LYPLA2: variants seen among roughly 807,000 people sequenced by gnomAD.
LYPLA2 encodes the protein lysophospholipase 2.
A neutral mutation model predicts 30.3 loss-of-function variants in LYPLA2; 7 were observed. The ratio of observed to expected loss-of-function variants is 0.23; its 90% CI spans 0.13 to 0.43. LYPLA2 has a LOEUF of 0.43. Among genes scored for constraint, LYPLA2 ranks in the 20% least tolerant of loss-of-function variants. The pLI, the probability that LYPLA2 is intolerant of heterozygous loss-of-function variation, is 1.00. For synonymous variants in LYPLA2, 112 were observed against 118.2 expected (o/e 0.95, Z 0.34); for missense variants, 206 against 307.9 (o/e 0.67, Z 2.48).
In LYPLA2 at chr1:23,793,960, C is replaced by G. The variant is rs778804519; in HGVS notation, c.295+30C>G. ...GACCCCAGCCCCTCCTCCACATCCT[C>G]CTTCCCCTGCCCCCCAGGAAAGCGC... On this transcript the variant is annotated intron_variant, in intron 6 of 9. Transcript: ENST00000374514. The surrounding 1 kb of genome is among the most constrained non-coding windows in gnomAD (Gnocchi z 6.0). 1 of 1,603,066 alleles carries G rather than the reference C, an allele frequency of 6.2e-7. No individual in the cohort carries two copies. The highest frequency in any genetic ancestry group is 1.1e-5 in the South Asian group (1 of 90,850).
Position 23,793,321 on chromosome 1 carries a change from G to T in LYPLA2, c.176+105G>T. On this transcript the variant is annotated intron_variant, in intron 4 of 9. Transcript: ENST00000374514. This position sits in a 1 kb window ranked among gnomAD's most constrained non-coding sequence, Gnocchi z 6.0. Reference sequence around the variant, plus strand: ...CCTGTCAGTTGCATCCTGGGGCTTGGGCTCAGGGCAGTCAGAAGTGGCATT... The same window carrying T: ...CCTGTCAGTTGCATCCTGGGGCTTGTGCTCAGGGCAGTCAGAAGTGGCATT... The T allele has an allele frequency of 1.6e-6, 2 of 1,228,530 alleles. No individual in the cohort carries two copies. The highest frequency in any genetic ancestry group is 2.6e-4 in the Middle Eastern group (1 of 3,778). The allele number at this position is 1,228,530 out of a possible 1,614,324, so 76.1% of individuals were successfully genotyped here.
At position 23,794,553 on chromosome 1, in the gene LYPLA2, G is replaced by A. The variant is rs1022795765; in HGVS notation, c.598G>A (p.Val200Ile). ...KLRSVVTPAR[V>I]QFKTYPGVMH... Reference sequence around the variant, plus strand: ...CCGGTCTGTTGTCACACCTGCCAGGGTCCAGTTCAAGACATACCCGGGTGT... The same window carrying A: ...CCGGTCTGTTGTCACACCTGCCAGGATCCAGTTCAAGACATACCCGGGTGT... Residue 200 changes from valine to isoleucine, a missense_variant, in exon 9 of 10, where the codon GTC (valine) becomes ATC (isoleucine). By Grantham distance (29) the Val-to-Ile change is conservative. Transcript: ENST00000374514. The surrounding 1 kb of genome is among the most constrained non-coding windows in gnomAD (Gnocchi z 5.9). The A allele has an allele frequency of 9.3e-6, 15 of 1,614,028 alleles. No individual in the cohort carries two copies. The East Asian group carries it at 3.1e-4, about 34-fold the overall frequency.
Position 23,793,771 on chromosome 1 carries a change from G to T in LYPLA2, c.224+19G>T, listed in dbSNP as rs759829368. ...CCTCCTGGTGAGTTTGGGAGTGGGGGTGGGCAGGGGGACGAGGACACTTGG... is the reference window on the plus strand; with the variant it reads ...CCTCCTGGTGAGTTTGGGAGTGGGGTTGGGCAGGGGGACGAGGACACTTGG... On this transcript the variant is annotated intron_variant, in intron 5 of 9. Transcript: ENST00000374514. This position sits in a 1 kb window ranked among gnomAD's most constrained non-coding sequence, Gnocchi z 6.0. 3.2e-5 allele frequency: 52 copies of T among 1,613,718 alleles called. No homozygotes were observed. The highest frequency in any genetic ancestry group is 4.2e-5 in the Non-Finnish European group (49 of 1,179,772).
At chr1:23,792,516 C>T in intron 1 of LYPLA2, 141 bp from the exon 2 acceptor site, 1 of 635,754 alleles carries the variant, frequency 1.6e-6, no homozygotes, top group South Asian at 1.8e-5. Flanking sequence ...TCTCCTGTGC[C>T]CTGGGACTTC....
In LYPLA2 at chr1:23,795,274, G is replaced by A. The variant is rs1450156727; in HGVS notation, c.*542G>A. On this transcript the variant is annotated 3_prime_UTR_variant, in exon 10 of 10. Transcript: ENST00000374514. ...CTGGTGAGGAGGTGGAGCCTTTTGA[G>A]GGGGGCCTTCCCTCAGCTGTTTCCC... is the stretch of plus-strand genomic sequence containing the variant. The A allele has an allele frequency of 8.1e-6, 2 of 245,518 alleles. No individual in the cohort carries two copies. The highest frequency in any genetic ancestry group is 1.1e-4 in the East Asian group (1 of 8,904). The allele number at this position is 245,518 out of a possible 1,614,324, so 15.2% of individuals were successfully genotyped here. A position where few individuals can be genotyped will look rare whatever the true frequency, so the allele number is the denominator to read the frequency against.
chr1:23,791,667 G>A (rs1443211085), intron 1 of LYPLA2, among the ~76,000 whole-genome samples: 1 of 152,068 alleles, frequency 6.6e-6, no homozygotes, highest in Non-Finnish European at 1.5e-5. Context: ...AGGTCAGGGG[G>A]AAGGCACCCC....
At chr1:23,792,781 A>G in intron 2 of LYPLA2, 21 bp downstream of exon 2, 1 of 1,594,928 alleles carries the variant, frequency 6.3e-7, no homozygotes, top group East Asian at 2.2e-5. Context: ...CCTTTCACCC[A>G]CGGCCAGACA....
Position 23,793,768 on chromosome 1 carries a change from G to A in LYPLA2, c.224+16G>A, listed in dbSNP as rs369148655. ...TGCCCTCCTGGTGAGTTTGGGAGTG[G>A]GGGTGGGCAGGGGGACGAGGACACT... On this transcript the variant is annotated intron_variant, in intron 5 of 9. Coordinates refer to ENST00000374514, the MANE Select transcript of LYPLA2 (RefSeq NM_007260.3). This position sits in a 1 kb window ranked among gnomAD's most constrained non-coding sequence, Gnocchi z 6.0. The A allele has an allele frequency of 6.2e-6, 10 of 1,613,802 alleles. No individual in the cohort carries two copies. The highest frequency in any genetic ancestry group is 2.7e-5 in the African/African-American group (2 of 74,892).
chr1:23,791,681 G>A (rs1042744084), intron 1 of LYPLA2, among the ~76,000 whole-genome samples: 1 of 151,944 alleles, frequency 6.6e-6, no homozygotes, highest in East Asian at 1.9e-4. Flanking sequence ...GCACCCCTCC[G>A]AGGAGGGAGC....
At position 23,793,294 on chromosome 1, in the gene LYPLA2, C is replaced by G. The variant is rs749069180; in HGVS notation, c.176+78C>G. On this transcript the variant is annotated intron_variant, in intron 4 of 9. Transcript: ENST00000374514. This position sits in a 1 kb window ranked among gnomAD's most constrained non-coding sequence, Gnocchi z 6.0. ...GGTCCTGTCATCCCAGGCCTGTTCT[C>G]TCCTGTCAGTTGCATCCTGGGGCTT... 1.8e-4 allele frequency: 265 copies of G among 1,452,344 alleles called. No individual in the cohort carries two copies. The highest frequency in any genetic ancestry group is 2.4e-4 in the Non-Finnish European group (246 of 1,038,828). 90.0% of individuals were successfully genotyped at this position (1,452,344 alleles called of 1,614,324 possible). A position where few individuals can be genotyped will look rare whatever the true frequency, so the allele number is the denominator to read the frequency against.
In LYPLA2 at chr1:23,793,375, G is replaced by A. The variant is rs1638838916; in HGVS notation, c.176+159G>A. On this transcript the variant is annotated intron_variant, in intron 4 of 9. Transcript: ENST00000374514. The surrounding 1 kb of genome is among the most constrained non-coding windows in gnomAD (Gnocchi z 6.0). ...AGCCTGAGCTCCTGTGGAGCCCCCA[G>A]GAGTGGGGTCCAGCACCAGCCCCCA... Among the ~76,000 whole-genome samples the A allele has an allele frequency of 6.6e-6, 1 of 152,166 alleles. No homozygotes were observed. Among genetic ancestry groups the A allele is most frequent in the South Asian group, 2.1e-4 (1 of 4,838 alleles).
Position 23,793,575 on chromosome 1 carries a change from C to A in LYPLA2, c.177-130C>A. Reference sequence around the variant, plus strand: ...CAGCCCCACGTGGCAGGTTGCCTGGCAACACCTTAAACACAGGCCCTGCCT... The same window carrying A: ...CAGCCCCACGTGGCAGGTTGCCTGGAAACACCTTAAACACAGGCCCTGCCT... On this transcript the variant is annotated intron_variant, in intron 4 of 9. Transcript: ENST00000374514. This position sits in a 1 kb window ranked among gnomAD's most constrained non-coding sequence, Gnocchi z 6.0. 3 of 943,576 alleles carry A rather than the reference C, an allele frequency of 3.2e-6. No individual in the cohort carries two copies. The highest frequency in any genetic ancestry group is 5.1e-6 in the Non-Finnish European group (3 of 588,332). 58.5% of individuals were successfully genotyped at this position (943,576 alleles called of 1,614,324 possible).
rs1333414121 is a variant in LYPLA2 at position 23,793,471 on chromosome 1, C to CTA, written c.177-234_177-233insTA. 5.3e-5 allele frequency among the ~76,000 whole-genome samples: 8 copies of CTA among 152,210 alleles called. No homozygotes were observed. Among genetic ancestry groups the CTA allele is most frequent in the Middle Eastern group, 3.2e-3 (1 of 316 alleles). On this transcript the variant is annotated intron_variant, in intron 4 of 9. Coordinates refer to ENST00000374514, the MANE Select transcript of LYPLA2 (RefSeq NM_007260.3). This position sits in a 1 kb window ranked among gnomAD's most constrained non-coding sequence, Gnocchi z 6.0. ...CCTTTGCCCCTTCCCCAAGTACTCA[C>CTA]CGACTACCTGGGACCCCGTCACACC...
chr1:23,794,342 A>ACC lies in LYPLA2; in HGVS notation c.471+23_471+24dup. 2.3e-6 allele frequency: 3 copies of ACC among 1,300,800 alleles called. No individual in the cohort carries two copies. The highest frequency in any genetic ancestry group is 3.3e-6 in the Non-Finnish European group (3 of 908,106). 80.6% of individuals were successfully genotyped at this position (1,300,800 alleles called of 1,614,324 possible). Reference sequence around the variant, plus strand: ...TTCCCCCAGGTGAATGTCCCCACTGACCCCCCCGCCCTTTGTGTCTGCATC... The same window carrying ACC: ...TTCCCCCAGGTGAATGTCCCCACTGACCCCCCCCCGCCCTTTGTGTCTGCATC... On this transcript the variant is annotated intron_variant, in intron 8 of 9. Transcript: ENST00000374514. This position sits in a 1 kb window ranked among gnomAD's most constrained non-coding sequence, Gnocchi z 5.9.
At chr1:23,792,421 G>A (rs949095927) in intron 1 of LYPLA2, 1 of 513,092 alleles carries the variant, frequency 1.9e-6, no homozygotes, top group Non-Finnish European at 3.5e-6. Context: ...CAGGTCCTGT[G>A]GTTGGGCCAG....
At position 23,793,545 on chromosome 1, in the gene LYPLA2, G is replaced by GC; in HGVS notation, c.177-158dup. ...TTACTGGCGCTTTGCCCCAACCACA[G>GC]CCTCCAGCCCCACGTGGCAGGTTGC... On this transcript the variant is annotated intron_variant, in intron 4 of 9. Transcript: ENST00000374514. The surrounding 1 kb of genome is among the most constrained non-coding windows in gnomAD (Gnocchi z 6.0). The GC allele has an allele frequency of 2.6e-6, 2 of 756,094 alleles. No individual in the cohort carries two copies. The allele number at this position is 756,094 out of a possible 1,614,324, so 46.8% of individuals were successfully genotyped here.
In LYPLA2 at chr1:23,793,907, G is replaced by A; in HGVS notation, c.272G>A (p.Gly91Asp). 6.2e-7 allele frequency: 1 copy of A among 1,613,948 alleles called. No homozygotes were observed. The highest frequency in any genetic ancestry group is 8.5e-7 in the Non-Finnish European group (1 of 1,179,896). Reference sequence around the variant, plus strand: ...CCAGATGCCCCAGAGGACGAGGCTGGCATCAAGAAGGCAGCAGAGAACAGT... The same window carrying A: ...CCAGATGCCCCAGAGGACGAGGCTGACATCAAGAAGGCAGCAGAGAACAGT... ...LSPDAPEDEA[G>D]IKKAAENIKA... is the part of the protein sequence containing the mutation. Residue 91 changes from glycine to aspartate, a missense_variant, in exon 6 of 10, where the codon GGC becomes GAC. Gly to Asp is a moderately conservative substitution (Grantham distance 94, BLOSUM62 -1). Coordinates refer to ENST00000374514, the MANE Select transcript of LYPLA2 (RefSeq NM_007260.3). The surrounding 1 kb of genome is among the most constrained non-coding windows in gnomAD (Gnocchi z 6.0).
At position 23,793,104 on chromosome 1, in the gene LYPLA2, C is replaced by CT. The variant is rs753762946; in HGVS notation, c.111-45dup. The CT allele has an allele frequency of 5.6e-6, 9 of 1,613,526 alleles. No individual in the cohort carries two copies. In the South Asian group the frequency reaches 9.9e-5, roughly 18 times the overall value. On this transcript the variant is annotated intron_variant, in intron 3 of 9. Transcript: ENST00000374514. The surrounding 1 kb of genome is among the most constrained non-coding windows in gnomAD (Gnocchi z 6.0). ...TGGCCCAGCAGCGGACTGGAGAGGC[C>CT]TTCTCTTCCTACCACATCGGAGCCT...
chr1:23,793,684 C>T lies in LYPLA2; in HGVS notation c.177-21C>T. The T allele has an allele frequency of 6.2e-7, 1 of 1,613,584 alleles. No homozygotes were observed. Among genetic ancestry groups the T allele is most frequent in the African/African-American group, 1.3e-5 (1 of 75,026 alleles). ...CTCATTCCTCCTGAGCATGATGGGC[C>T]CTCTGGCTCTCTTTCCCCAGGCCTA... is the stretch of plus-strand genomic sequence containing the variant. On this transcript the variant is annotated intron_variant, in intron 4 of 9. Coordinates refer to ENST00000374514, the MANE Select transcript of LYPLA2 (RefSeq NM_007260.3). The surrounding 1 kb of genome is among the most constrained non-coding windows in gnomAD (Gnocchi z 6.0).
Sources: allele counts gnomAD v4.1 joint callset (sites outside exome capture counted in the v4.1 genomes callset), GRCh38; gene constraint gnomAD v4.1.1; non-coding constraint Gnocchi (gnomAD v3.1); transcripts MANE v1.5; gene names NCBI Gene and HGNC (gene_info 2026-07-23, HGNC 2026-07-21).